Variants in VRK2 observed in about 807,000 individuals in gnomAD.
VRK2 encodes serine/threonine-protein kinase VRK2.
VRK2 carries 60 observed loss-of-function variants against 57.6 expected under a neutral mutation model. The observed-to-expected ratio is 1.04, with a 90% CI of 0.85 to 1.29. VRK2 has a LOEUF of 1.29. VRK2 is among the 50% of genes most tolerant of loss of function. The pLI is 0.00. For missense variants in VRK2, 705 were observed against 588.1 expected (o/e 1.20, Z -2.06); for synonymous variants, 231 against 199.2 (o/e 1.16, Z -1.35).
intron 12 of VRK2, among the ~76,000 whole-genome samples, chr2:58,157,320 T>G (rs1684047167): frequency 6.6e-6 from 1 of 152,120 alleles, no homozygotes; most frequent in African/African-American, 2.4e-5. Context: ...TAATGTAGGG[T>G]TTCTTGACAG....
chr2:58,080,527 T>C (rs1207592211), intron 2 of VRK2, among the ~76,000 whole-genome samples: 1 of 151,936 alleles, frequency 6.6e-6, no homozygotes, highest in East Asian at 1.9e-4. Context: ...GACATGTATT[T>C]TGAATTACAT....
rs1194830537 is a variant in VRK2 at position 57,957,552 on chromosome 2, A to G, written c.-439+49713A>G. On this transcript the variant is annotated intron_variant, in intron 1 of 15. Coordinates refer to the VRK2 transcript ENST00000417641. ...TCAAAACATTTATTTTCTAACCAAC[A>G]AAAGTATATGTAGATATATATACTT... Among the ~76,000 whole-genome samples the G allele has an allele frequency of 2.7e-5, 4 of 149,360 alleles. No homozygotes were observed. The East Asian group carries it at 7.7e-4, about 29-fold the overall frequency.
intron 1 of VRK2, among the ~76,000 whole-genome samples, chr2:57,922,305 T>A (rs183526306): frequency 6.6e-6 from 1 of 152,132 alleles, no homozygotes; most frequent in African/African-American, 2.4e-5. Context: ...GTCGTCAACA[T>A]CGTCATCTTT....
intron 1 of VRK2, among the ~76,000 whole-genome samples, chr2:57,970,567 C>T (rs900700448): frequency 3.3e-5 from 5 of 151,174 alleles, no homozygotes; most frequent in African/African-American, 9.7e-5. Flanking sequence ...TGAAAGCAGT[C>T]AATGATAAAA....
intron 5 of VRK2, among the ~76,000 whole-genome samples, chr2:58,087,010 T>C: frequency 6.6e-6 from 1 of 152,166 alleles, no homozygotes; most frequent in East Asian, 1.9e-4. Flanking sequence ...CAGTTCTATC[T>C]CTTGAGGAGA....
At chr2:57,983,453 C>G (rs552432990) in intron 1 of VRK2, among the ~76,000 whole-genome samples, 73 of 152,182 alleles carry the variant, frequency 4.8e-4, no homozygotes, top group African/African-American at 1.5e-3. Context: ...ATAACATATT[C>G]ACAGGTTTCA....
At chr2:58,056,262 A>G (rs1418335776) in intron 2 of VRK2, among the ~76,000 whole-genome samples, 1 of 152,148 alleles carries the variant, frequency 6.6e-6, no homozygotes, top group African/African-American at 2.4e-5. Flanking sequence ...TATCTATGGA[A>G]CAGATTCCAT....
intron 1 of VRK2, among the ~76,000 whole-genome samples, chr2:58,007,352 C>T (rs1353303120): frequency 6.6e-6 from 1 of 151,552 alleles, no homozygotes; most frequent in Non-Finnish European, 1.5e-5. Context: ...ACAGTTGGCC[C>T]TTGAACAACA....
intron 11 of VRK2, among the ~76,000 whole-genome samples, chr2:58,145,121 A>T (rs1681918889): frequency 6.6e-6 from 1 of 151,998 alleles, no homozygotes; most frequent in South Asian, 2.1e-4. Context: ...TGCTGAACAA[A>T]TACTTCATAT....
intron 2 of VRK2, among the ~76,000 whole-genome samples, chr2:58,060,578 A>T (rs1291894597): frequency 1.3e-5 from 2 of 151,834 alleles, no homozygotes; most frequent in African/African-American, 4.8e-5. Context: ...TAATGGTTCT[A>T]TTATCTGTTT....
intron 2 of VRK2, 120 bp from the exon 3 acceptor site, chr2:58,083,969 G>T: frequency 1.9e-6 from 2 of 1,040,412 alleles, no homozygotes; most frequent in Non-Finnish European, 2.7e-6. Context: ...ATAAAAGGTT[G>T]TTGGGATGAC....
chr2:57,938,873 C>A (rs1413643751), intron 1 of VRK2, among the ~76,000 whole-genome samples: 1 of 152,102 alleles, frequency 6.6e-6, no homozygotes, highest in Non-Finnish European at 1.5e-5. Flanking sequence ...AAAAAAAGAA[C>A]TTGCTTTCCT....
At chr2:58,155,207 A>C (rs1250163712) in intron 12 of VRK2, among the ~76,000 whole-genome samples, 1 of 152,202 alleles carries the variant, frequency 6.6e-6, no homozygotes, top group Non-Finnish European at 1.5e-5. Context: ...AGTTATATCA[A>C]TTACTGAGAA....
At chr2:57,921,283 C>T (rs1420570611) in intron 1 of VRK2, among the ~76,000 whole-genome samples, 2 of 94,386 alleles carry the variant, frequency 2.1e-5, no homozygotes, top group Middle Eastern at 5.2e-3. Context: ...AATTCTTAAG[C>T]GCGCACACAC....
chr2:58,138,374 G>C (rs2104599417), intron 10 of VRK2, among the ~76,000 whole-genome samples: 1 of 152,172 alleles, frequency 6.6e-6, no homozygotes, highest in Non-Finnish European at 1.5e-5. Context: ...CTAGATAACA[G>C]AATTTGATAA....
At chr2:58,138,962 T>C (rs1487895828) in intron 10 of VRK2, among the ~76,000 whole-genome samples, 1 of 152,168 alleles carries the variant, frequency 6.6e-6, no homozygotes, top group Admixed American at 6.6e-5. Context: ...TATTTAAAAG[T>C]TGGTAGTTCC....
At chr2:58,095,630 A>G (rs1426111280) in intron 7 of VRK2, among the ~76,000 whole-genome samples, 1 of 152,066 alleles carries the variant, frequency 6.6e-6, no homozygotes, top group African/African-American at 2.4e-5. Flanking sequence ...CTGTTAATTT[A>G]CGGAATTATT....
At chr2:57,917,749 G>C (rs1670204145) in intron 1 of VRK2, among the ~76,000 whole-genome samples, 2 of 151,826 alleles carry the variant, frequency 1.3e-5, no homozygotes, top group Non-Finnish European at 2.9e-5. Context: ...ATGGTTAAGA[G>C]AGGGGATGGC....
intron 1 of VRK2, among the ~76,000 whole-genome samples, chr2:57,955,280 A>G (rs1671546938): frequency 6.6e-6 from 1 of 152,202 alleles, no homozygotes; most frequent in African/African-American, 2.4e-5. Context: ...AGAGGTCTGT[A>G]TATCCAAATA....
Sources: gnomAD v4.1 joint callset for allele counts (sites outside exome capture counted in the v4.1 genomes callset) on GRCh38, gnomAD v4.1.1 for gene constraint, MANE v1.5 for transcripts, NCBI Gene and HGNC (gene_info 2026-07-23, HGNC 2026-07-21) for gene names.